USH2A: variants seen among roughly 807,000 people sequenced by gnomAD.
USH2A encodes the protein Usher syndrome 2A (autosomal recessive, mild).
Under a neutral mutation model 538.9 loss-of-function variants are expected in USH2A, and 443 were observed. The ratio of observed to expected loss-of-function variants is 0.82; its 90% CI spans 0.76 to 0.89. USH2A has a LOEUF of 0.89. USH2A is among the 40% of genes least tolerant of loss of function. USH2A has a pLI of 0.00. For missense variants in USH2A, 6,633 were observed against 6,324.8 expected (o/e 1.05, Z -1.65); for synonymous variants, 2,413 against 2,273.5 (o/e 1.06, Z -1.75).
intron 30 of USH2A, among the ~76,000 whole-genome samples, chr1:216,064,541 C>T (rs1318451558): frequency 3.3e-5 from 5 of 150,330 alleles, no homozygotes; most frequent in Non-Finnish European, 5.9e-5. Context: ...TATAAGAAAA[C>T]AATGTTGAAT....
At chr1:215,689,721 C>A (rs1289076710) in intron 61 of USH2A, among the ~76,000 whole-genome samples, 1 of 152,208 alleles carries the variant, frequency 6.6e-6, no homozygotes, top group Non-Finnish European at 1.5e-5. Context: ...CAACAGCCAA[C>A]AGGAAGCCAG....
At chr1:215,949,476 A>G (rs1236415193) in intron 37 of USH2A, among the ~76,000 whole-genome samples, 1 of 151,560 alleles carries the variant, frequency 6.6e-6, no homozygotes, top group African/African-American at 2.4e-5. Context: ...AACAGAAATG[A>G]ATAATAACCT....
chr1:215,915,286 G>C (rs921299938), intron 38 of USH2A, among the ~76,000 whole-genome samples: 4 of 151,952 alleles, frequency 2.6e-5, no homozygotes, highest in African/African-American at 9.7e-5. Flanking sequence ...AGACATAAAA[G>C]GTAGCTAGCC....
chr1:216,162,903 G>T (rs931171891), intron 21 of USH2A, among the ~76,000 whole-genome samples: 2 of 151,966 alleles, frequency 1.3e-5, no homozygotes, highest in Non-Finnish European at 2.9e-5. Context: ...ACCCAAAAAA[G>T]AATTGTTACA....
At position 215,970,758 on chromosome 1, in the gene USH2A, C is replaced by T. The variant is rs1373523784; in HGVS notation, c.6824G>A (p.Gly2275Glu). ...GATTAATATACCATCTAGATATAATCCATAACTCGTGATAACACCTGGGAA... is the reference window on the plus strand; with the variant it reads ...GATTAATATACCATCTAGATATAATTCATAACTCGTGATAACACCTGGGAA... ...EYPNGVITSY[G>E]LYLDGILIHN... The change falls in exon 36 of 72, where the codon GGA becomes GAA. Residue 2275 changes from glycine to glutamate, a missense_variant. Gly to Glu is a moderately conservative substitution (Grantham distance 98). Coordinates refer to ENST00000307340, the MANE Select transcript of USH2A (RefSeq NM_206933.4). 6.2e-7 allele frequency: 1 copy of T among 1,613,456 alleles called. No individual in the cohort carries two copies. The highest frequency in any genetic ancestry group is 1.1e-5 in the South Asian group (1 of 91,066).
At chr1:215,748,120 TG>T (rs1319264941) in intron 58 of USH2A, among the ~76,000 whole-genome samples, 1 of 152,136 alleles carries the variant, frequency 6.6e-6, no homozygotes, top group Non-Finnish European at 1.5e-5. Flanking sequence ...CTGGATCTCC[TG>T]ACCTCATGAT....
chr1:215,796,842 GAAAATCAAAA>G (rs1558102363), intron 50 of USH2A, among the ~76,000 whole-genome samples: 1 of 151,598 alleles, frequency 6.6e-6, no homozygotes, highest in Admixed American at 6.6e-5. Context: ...AGTTCTTGAA[GAAAATCAAAA>G]TGCTCCTCTT....
intron 35 of USH2A, among the ~76,000 whole-genome samples, chr1:215,984,995 A>T (rs1033817055): frequency 6.6e-6 from 1 of 152,190 alleles, no homozygotes; most frequent in Admixed American, 6.5e-5. Flanking sequence ...ACGGAATCTA[A>T]AAAAGACTGT....
At chr1:216,116,998 A>G (rs182681555) in intron 21 of USH2A, among the ~76,000 whole-genome samples, 101 of 152,272 alleles carry the variant, frequency 6.6e-4, no homozygotes, top group African/African-American at 2.4e-3. Context: ...AAGCTGATTT[A>G]GCATAACTAT....
chr1:216,218,275 C>G (rs1454933521), intron 14 of USH2A, among the ~76,000 whole-genome samples: 2 of 152,102 alleles, frequency 1.3e-5, no homozygotes, highest in Middle Eastern at 3.4e-3. Flanking sequence ...TGTAAAAATA[C>G]CAGTAGTGGC....
chr1:216,178,249 T>C (rs2034430216), intron 20 of USH2A, among the ~76,000 whole-genome samples: 1 of 152,220 alleles, frequency 6.6e-6, no homozygotes, highest in Non-Finnish European at 1.5e-5. Context: ...CTGCAGCCCA[T>C]GTGATATTTT....
At chr1:215,767,373 G>A (rs1299917246) in intron 55 of USH2A, among the ~76,000 whole-genome samples, 1 of 152,116 alleles carries the variant, frequency 6.6e-6, no homozygotes, top group Non-Finnish European at 1.5e-5. Flanking sequence ...ATAAAAAGAA[G>A]GTTAGATCCA....
chr1:215,717,602 C>T (rs922556248), intron 61 of USH2A, among the ~76,000 whole-genome samples: 6 of 152,108 alleles, frequency 3.9e-5, no homozygotes, highest in East Asian at 1.9e-4. Flanking sequence ...GACTATTTCT[C>T]GTTTGTTTGT....
At chr1:215,709,711 A>G (rs919435086) in intron 61 of USH2A, among the ~76,000 whole-genome samples, 1 of 151,490 alleles carries the variant, frequency 6.6e-6, no homozygotes, top group Middle Eastern at 3.2e-3. Flanking sequence ...AGTGCTGACT[A>G]TTATTGGTAA....
intron 3 of USH2A, among the ~76,000 whole-genome samples, chr1:216,411,540 AC>A: frequency 6.6e-6 from 1 of 152,298 alleles, no homozygotes; most frequent in East Asian, 1.9e-4. Context: ...GATAATGCAG[AC>A]AGAGGCTGGA....
rs770065010 is a variant in USH2A at position 215,675,325 on chromosome 1, C to T, written c.12586G>A (p.Glu4196Lys). The T allele has an allele frequency of 1.5e-5, 25 of 1,614,126 alleles. No homozygotes were observed. The highest frequency in any genetic ancestry group is 2.2e-5 in the East Asian group (1 of 44,884). Reference protein sequence around the residue: ...IRYEVIRRCFEGKAWGNQTIQ... With the variant: ...IRYEVIRRCFKGKAWGNQTIQ... ...GTCTGATTTCCCCAAGCTTTTCCCT[C>T]GAAGCATCTGCGAATCACTTCATAG... The change falls in exon 63 of 72, where the codon GAG (glutamate) becomes AAG (lysine). Residue 4196 changes from glutamate (E) to lysine (K), a missense_variant. Glu to Lys is a moderately conservative substitution (Grantham distance 56). Coordinates refer to ENST00000307340, the MANE Select transcript of USH2A (RefSeq NM_206933.4).
chr1:215,784,508 T>C (rs112326437), intron 52 of USH2A, among the ~76,000 whole-genome samples: 1 of 152,166 alleles, frequency 6.6e-6, no homozygotes, highest in Non-Finnish European at 1.5e-5. Flanking sequence ...CAATGAAAAA[T>C]TATTGTTTGT....
intron 47 of USH2A, among the ~76,000 whole-genome samples, chr1:215,822,010 AT>A (rs1663029603): frequency 6.6e-6 from 1 of 151,408 alleles, no homozygotes; most frequent in South Asian, 2.1e-4. Flanking sequence ...TACCATGTTG[AT>A]TTGGTTTCTT....
At chr1:216,195,395 T>C (rs1243951001) in intron 19 of USH2A, among the ~76,000 whole-genome samples, 1 of 151,956 alleles carries the variant, frequency 6.6e-6, no homozygotes, top group Non-Finnish European at 1.5e-5. Context: ...AAAGCAGAAT[T>C]TAGTTTACAG....
Sources: gnomAD v4.1 joint callset for allele counts (sites outside exome capture counted in the v4.1 genomes callset) on GRCh38, gnomAD v4.1.1 for gene constraint, MANE v1.5 for transcripts, NCBI Gene and HGNC (gene_info 2026-07-23, HGNC 2026-07-21) for gene names.